Variants in XPO4 observed in about 807,000 individuals in gnomAD.
XPO4 encodes the protein exportin-4.
In XPO4, 39 loss-of-function variants were observed where a neutral mutation model predicts 143.0. The ratio of observed to expected loss-of-function variants is 0.27; its 90% CI spans 0.21 to 0.36. The LOEUF is 0.36. XPO4 is among the 10% of genes least tolerant of loss of function. XPO4 has a pLI of 1.00. For missense variants in XPO4, 907 were observed against 1,348.0 expected, an observed-to-expected ratio of 0.67 and a Z score of 5.12; for synonymous variants, 439 against 474.0, an observed-to-expected ratio of 0.93 and a Z score of 0.96.
In XPO4 at chr13:20,876,284, A is replaced by T. The variant is rs549987870; in HGVS notation, c.70-7583T>A. Among the ~76,000 whole-genome samples the T allele has an allele frequency of 8.2e-4, 121 of 147,968 alleles. 2 individuals are homozygous for T. In the South Asian group the frequency reaches 0.026, roughly 32 times the overall value. ...TCTCGGAAAAAAAAAAAAAAAAAAAAGAATAAGAAGGGGGTAATACCCAAC... is the reference window on the plus strand; with the variant it reads ...TCTCGGAAAAAAAAAAAAAAAAAAATGAATAAGAAGGGGGTAATACCCAAC... On this transcript the variant is annotated intron_variant, in intron 1 of 22. Coordinates refer to ENST00000255305, the MANE Select transcript of XPO4 (RefSeq NM_022459.5).
intron 1 of XPO4, among the ~76,000 whole-genome samples, chr13:20,895,802 A>G (rs2060563641): frequency 1.3e-5 from 2 of 152,196 alleles, no homozygotes. Context: ...CCCATTTAAA[A>G]AAAAAGCTAT....
intron 9 of XPO4, among the ~76,000 whole-genome samples, chr13:20,816,770 T>C (rs978544038): frequency 6.6e-6 from 1 of 152,250 alleles, no homozygotes; most frequent in Non-Finnish European, 1.5e-5. Flanking sequence ...ATGGTTATCA[T>C]CCAATTAGAA....
intron 6 of XPO4, among the ~76,000 whole-genome samples, chr13:20,838,685 G>A (rs894417311): frequency 2.6e-5 from 4 of 151,386 alleles, no homozygotes; most frequent in Admixed American, 6.6e-5. Flanking sequence ...GCAGTGGTGT[G>A]ATGATAGATC....
At chr13:20,817,878 C>T (rs1237015885) in intron 9 of XPO4, among the ~76,000 whole-genome samples, 1 of 152,146 alleles carries the variant, frequency 6.6e-6, no homozygotes, top group Non-Finnish European at 1.5e-5. Context: ...TCACTGCAAC[C>T]TCTGCCTCCC....
Position 20,803,568 on chromosome 13 carries a change from A to G in XPO4, c.1818-2578T>C, listed in dbSNP as rs1008479315. On this transcript the variant is annotated intron_variant, in intron 13 of 22. Coordinates refer to ENST00000255305, the MANE Select transcript of XPO4 (RefSeq NM_022459.5). This position sits in a 1 kb window ranked among gnomAD's most constrained non-coding sequence, Gnocchi z 4.1. ...AAAATGCTTCCTAACTTGCCTTGTCACCCTTTAAATTTATCACCCATGGAA... is the reference window on the plus strand; with the variant it reads ...AAAATGCTTCCTAACTTGCCTTGTCGCCCTTTAAATTTATCACCCATGGAA... Among the ~76,000 whole-genome samples, 4 of 152,064 alleles carry G rather than the reference A, an allele frequency of 2.6e-5. No homozygotes were observed. Among genetic ancestry groups the G allele is most frequent in the Non-Finnish European group, 4.4e-5 (3 of 68,010 alleles).
chr13:20,836,329 C>T (rs2147347), intron 6 of XPO4, among the ~76,000 whole-genome samples: 35,002 of 142,324 alleles, frequency 0.25, 5,643 homozygotes, highest in East Asian at 0.8. Flanking sequence ...TCTTACCTAT[C>T]GGTAACAGAC....
chr13:20,849,992 G>A lies in XPO4; in HGVS notation c.456+5635C>T, dbSNP rs533765607. 12 of 582,950 alleles carry A rather than the reference G, an allele frequency of 2.1e-5. No individual in the cohort carries two copies. The South Asian group carries it at 4.4e-4, about 22-fold the overall frequency. 36.1% of individuals were successfully genotyped at this position (582,950 alleles called of 1,614,324 possible). ...ATAGTGGCATGCGCCTGTAGTCCCA[G>A]CTACTCGGGTGGCTGAGGCATGAGA... On this transcript the variant is annotated intron_variant, in intron 4 of 22. Coordinates refer to ENST00000255305, the MANE Select transcript of XPO4 (RefSeq NM_022459.5).
In XPO4 at chr13:20,842,988, G is replaced by T; in HGVS notation, c.634C>A (p.Arg212=). The T allele has an allele frequency of 6.2e-7, 1 of 1,613,266 alleles. No homozygotes were observed. The change falls in exon 6 of 23, where the codon CGG becomes AGG. Residue 212 remains arginine (R), a synonymous_variant. Coordinates refer to ENST00000255305, the MANE Select transcript of XPO4 (RefSeq NM_022459.5). ...GACATCTGAGCATTGAGGTTTTCCC[G>T]CCTGCTGAACTCCTGCAGAACTTCA... ...TVEVLQEFSR[R]ENLNAQMSSV...
chr13:20,819,375 G>A (rs2059689816), intron 9 of XPO4, among the ~76,000 whole-genome samples: 1 of 152,048 alleles, frequency 6.6e-6, no homozygotes, highest in African/African-American at 2.4e-5. Context: ...AAAAGATCAT[G>A]TCTTGGCCAG....
At chr13:20,848,179 C>G (rs1464324423) in intron 4 of XPO4, 1 of 941,736 alleles carries the variant, frequency 1.1e-6, no homozygotes, top group African/African-American at 1.8e-5. Flanking sequence ...CTAAATGGAT[C>G]ATTTTCATTT....
At position 20,796,259 on chromosome 13, in the gene XPO4, GA is replaced by G. The variant is rs34352023; in HGVS notation, c.2617-4del. On this transcript the variant is annotated splice_polypyrimidine_tract_variant and splice_region_variant and intron_variant, in intron 17 of 22. Coordinates refer to ENST00000255305, the MANE Select transcript of XPO4 (RefSeq NM_022459.5). ...TCATATAAGTTCATAGCTTTGGACT[GA>G]AAAAAAAAAAAATGCACAAATTATG... is the stretch of plus-strand genomic sequence containing the variant. 0.13 allele frequency: 128,086 copies of G among 977,230 alleles called. 12 individuals carry two copies. Among genetic ancestry groups the G allele is most frequent in the East Asian group, 0.21 (5,592 of 26,216 alleles). 60.5% of individuals were successfully genotyped at this position (977,230 alleles called of 1,614,324 possible). A position where few individuals can be genotyped will look rare whatever the true frequency, so the allele number is the denominator to read the frequency against.
chr13:20,879,338 T>G, intron 1 of XPO4: 15 of 950,346 alleles, frequency 1.6e-5, no homozygotes, highest in Admixed American at 6.2e-5. Flanking sequence ...AGGGAAGGAT[T>G]AACTTGCCGG....
chr13:20,813,193 A>G (rs1319178185), intron 9 of XPO4, among the ~76,000 whole-genome samples: 1 of 151,876 alleles, frequency 6.6e-6, no homozygotes, highest in African/African-American at 2.4e-5. Context: ...ATCACCCCCC[A>G]CCAGGTCCCC....
intron 2 of XPO4, among the ~76,000 whole-genome samples, chr13:20,864,834 G>A (rs1259548605): frequency 2.7e-5 from 4 of 149,278 alleles, no homozygotes; most frequent in Admixed American, 1.3e-4. Context: ...ATCTCTAAAT[G>A]ACTACTCCCA....
chr13:20,860,649 G>A (rs1325230604), intron 3 of XPO4, among the ~76,000 whole-genome samples: 1 of 152,108 alleles, frequency 6.6e-6, no homozygotes, highest in Non-Finnish European at 1.5e-5. Context: ...AGTCCTGTCA[G>A]GTCTAGCAAA....
chr13:20,882,279 T>TTTGG (rs1404783274), intron 1 of XPO4, among the ~76,000 whole-genome samples: 1 of 152,090 alleles, frequency 6.6e-6, no homozygotes, highest in African/African-American at 2.4e-5. Context: ...AAGAGGCTTA[T>TTTGG]TTGGCTCATG....
intron 6 of XPO4, among the ~76,000 whole-genome samples, chr13:20,841,570 T>C (rs1364780721): frequency 6.6e-6 from 1 of 152,122 alleles, no homozygotes; most frequent in East Asian, 1.9e-4. Flanking sequence ...CTGTAAGCTT[T>C]GCCCCATAAT....
intron 1 of XPO4, among the ~76,000 whole-genome samples, chr13:20,883,287 TA>T (rs2060430728): frequency 6.6e-6 from 1 of 152,178 alleles, no homozygotes; most frequent in Non-Finnish European, 1.5e-5. Flanking sequence ...AGGAAAGATG[TA>T]GACTCAAAGC....
In XPO4 at chr13:20,797,124, C is replaced by T. The variant is rs987034939; in HGVS notation, c.2323-67G>A. Reference sequence around the variant, plus strand: ...ATGCTTTATTTCCTCTGCTTGGATACATATTCACTTTCCAAAACATTTCTA... The same window carrying T: ...ATGCTTTATTTCCTCTGCTTGGATATATATTCACTTTCCAAAACATTTCTA... On this transcript the variant is annotated intron_variant, in intron 16 of 22. Coordinates refer to ENST00000255305, the MANE Select transcript of XPO4 (RefSeq NM_022459.5). The T allele has an allele frequency of 9.8e-6, 14 of 1,428,170 alleles. No individual in the cohort carries two copies. In the African/African-American group the frequency reaches 1.6e-4, roughly 16 times the overall value. The allele number at this position is 1,428,170 out of a possible 1,614,324, so 88.5% of individuals were successfully genotyped here. A position where few individuals can be genotyped will look rare whatever the true frequency, so the allele number is the denominator to read the frequency against.
Sources: gnomAD v4.1 joint callset for allele counts (sites outside exome capture counted in the v4.1 genomes callset) on GRCh38, gnomAD v4.1.1 for gene constraint, Gnocchi (gnomAD v3.1) non-coding constraint, MANE v1.5 for transcripts, NCBI Gene and HGNC (gene_info 2026-07-23, HGNC 2026-07-21) for gene names.